ODR4: variants seen among roughly 807,000 people sequenced by gnomAD.
The protein encoded by ODR4 is protein odr-4 homolog.
A neutral mutation model predicts 60.2 loss-of-function variants in ODR4; 47 were observed. That is an observed-to-expected ratio of 0.78 (90% CI 0.62 to 1.00). The LOEUF is 1.00. Among genes scored for constraint, ODR4 ranks in the 50% least tolerant of loss-of-function variants. ODR4 has a pLI of 0.00. For missense variants in ODR4, 488 were observed against 530.8 expected (o/e 0.92, Z 0.79); for synonymous variants, 178 against 175.5 (o/e 1.01, Z -0.11).
intron 9 of ODR4, 107 bp from the exon 10 acceptor site, chr1:186,398,205 CA>C (rs2102053511): frequency 1.0e-6 from 1 of 976,486 alleles, no homozygotes; most frequent in East Asian, 3.0e-5. Context: ...ATGCTTGGCT[CA>C]GTCAAAACTT....
At chr1:186,399,213 T>A (rs539242308) in intron 11 of ODR4, 169 bp downstream of exon 11, 2 of 635,534 alleles carry the variant, frequency 3.1e-6, no homozygotes, top group East Asian at 3.2e-5. Flanking sequence ...CAGATTTTTT[T>A]TTTTTTTTTT....
chr1:186,433,147 T>C, the ODR4 span, among the ~76,000 whole-genome samples: 1 of 152,176 alleles, frequency 6.6e-6, no homozygotes, highest in Non-Finnish European at 1.5e-5. Context: ...ATAAAATTTA[T>C]ATTAATTTAT....
downstream of ODR4, among the ~76,000 whole-genome samples, chr1:186,426,226 A>G (rs1426716623): frequency 6.6e-6 from 1 of 152,164 alleles, no homozygotes; most frequent in African/African-American, 2.4e-5. Flanking sequence ...ACCAGTTTCT[A>G]TTGCAGTTAT....
At position 186,375,993 on chromosome 1, in the gene ODR4, AGT is replaced by A. The variant is rs113247382; in HGVS notation, c.-20+47_-20+48del. The stretch of plus-strand genomic sequence containing the variant: ...AAAACAGGTAAGTCAGCCTAAGTGT[AGT>A]GTGTGTGTGTGTGTGTGTGTGTGTG... On this transcript the variant is annotated intron_variant, in intron 1 of 13. Transcript: ENST00000287859. 4.3e-3 allele frequency: 676 copies of A among 158,466 alleles called. 3 individuals are homozygous for A. The highest frequency in any genetic ancestry group is 8.3e-3 in the South Asian group (58 of 7,008). The allele number at this position is 158,466 out of a possible 1,614,324, so 9.8% of individuals were successfully genotyped here. A position where few individuals can be genotyped will look rare whatever the true frequency, so the allele number is the denominator to read the frequency against.
chr1:186,406,826 A>G (rs1317828912), intron 12 of ODR4, among the ~76,000 whole-genome samples: 1 of 151,884 alleles, frequency 6.6e-6, no homozygotes, highest in Admixed American at 6.6e-5. Context: ...CCTAGCCATC[A>G]CTTTCACATT....
chr1:186,387,359 C>T lies in ODR4; in HGVS notation c.331-1083C>T, dbSNP rs916088915. 5.3e-5 allele frequency among the ~76,000 whole-genome samples: 8 copies of T among 152,094 alleles called. No homozygotes were observed. In the South Asian group the frequency reaches 8.3e-4, roughly 16 times the overall value. ...TTTTGAAATTTAACCGAAATCTATG[C>T]GTATTTAATATTAATAGCATTCATT... On this transcript the variant is annotated intron_variant, in intron 4 of 13. Transcript: ENST00000287859.
the ODR4 span, among the ~76,000 whole-genome samples, chr1:186,429,184 G>A: frequency 9.3e-3 from 1,421 of 152,190 alleles, 20 homozygotes; most frequent in Non-Finnish European, 0.012. Flanking sequence ...CTGGGAGGCC[G>A]AGGCTGCAGT....
At chr1:186,410,637 A>G (rs1661343990) in intron 12 of ODR4, among the ~76,000 whole-genome samples, 1 of 152,224 alleles carries the variant, frequency 6.6e-6, no homozygotes, top group African/African-American at 2.4e-5. Context: ...GATTTGGTTA[A>G]TAATTTAATC....
chr1:186,400,655 T>C, intron 11 of ODR4: 1 of 188,310 alleles, frequency 5.3e-6, no homozygotes, highest in South Asian at 1.0e-4. Context: ...CCAACTTCTT[T>C]TAGTACTACT....
the ODR4 span, among the ~76,000 whole-genome samples, chr1:186,430,958 T>A: frequency 1.2e-4 from 18 of 151,962 alleles, no homozygotes; most frequent in African/African-American, 4.3e-4. Context: ...GGAAACATAC[T>A]GATGAAAGGG....
In ODR4 at chr1:186,383,026, C is replaced by G. The variant is rs996539979; in HGVS notation, c.104C>G (p.Ser35Trp). ...FVSGLLIGQC[S>W]SQKDYVILAT... ...CTTTTTAATTTGTTGTTGAAGTGTT[C>G]GTCACAAAAGGATTATGTGATTCTT... Residue 35 changes from serine (S) to tryptophan (W), a missense_variant, in exon 3 of 14, where the codon TCG becomes TGG. By Grantham distance (177) the Ser-to-Trp change is radical. Coordinates refer to ENST00000287859, the MANE Select transcript of ODR4 (RefSeq NM_017847.6). 1 of 1,582,772 alleles carries G rather than the reference C, an allele frequency of 6.3e-7. No homozygotes were observed.
chr1:186,395,452 C>T (rs948327049), intron 9 of ODR4, among the ~76,000 whole-genome samples: 2 of 152,088 alleles, frequency 1.3e-5, no homozygotes, highest in Non-Finnish European at 2.9e-5. Flanking sequence ...CACCGATCAC[C>T]TAACTGGAAA....
Position 186,419,829 on chromosome 1 carries a change from G to T in ODR4, c.*753G>T, listed in dbSNP as rs1278042953. ...TCTACCAAATGAGACAACAACTTTA[G>T]GATAAGTTCATCCTCTAGGAGCTTT... On this transcript the variant is annotated 3_prime_UTR_variant, in exon 14 of 14. Coordinates refer to ENST00000287859, the MANE Select transcript of ODR4 (RefSeq NM_017847.6). 1 of 152,138 alleles carries T rather than the reference G, an allele frequency of 6.6e-6. No individual in the cohort carries two copies. Among genetic ancestry groups the T allele is most frequent in the South Asian group, 2.1e-4 (1 of 4,828 alleles). The allele number at this position is 152,138 out of a possible 1,614,324, so 9.4% of individuals were successfully genotyped here.
At chr1:186,393,035 T>C (rs1660528972) in intron 8 of ODR4, among the ~76,000 whole-genome samples, 1 of 151,826 alleles carries the variant, frequency 6.6e-6, no homozygotes, top group African/African-American at 2.4e-5. Flanking sequence ...AGAAGAAAAC[T>C]AACAGAGGAA....
At position 186,419,578 on chromosome 1, in the gene ODR4, T is replaced by G; in HGVS notation, c.*502T>G. On this transcript the variant is annotated 3_prime_UTR_variant, in exon 14 of 14. Transcript: ENST00000287859. ...AAAAAAAAAAATTAGCTGGACATGG[T>G]GGCAATCAGCTCTAGTCCCAACTAC... The G allele has an allele frequency of 1.3e-5, 2 of 155,358 alleles. No individual in the cohort carries two copies. The allele number at this position is 155,358 out of a possible 1,614,324, so 9.6% of individuals were successfully genotyped here.
chr1:186,388,277 T>G (rs1660326253), intron 4 of ODR4, among the ~76,000 whole-genome samples, 165 bp from the exon 5 acceptor site: 1 of 152,188 alleles, frequency 6.6e-6, no homozygotes, highest in South Asian at 2.1e-4. Context: ...AGCCCAGGTG[T>G]TCAAGGCCAG....
At chr1:186,408,026 A>T (rs1047286175) in intron 12 of ODR4, among the ~76,000 whole-genome samples, 1 of 152,170 alleles carries the variant, frequency 6.6e-6, no homozygotes, top group Non-Finnish European at 1.5e-5. Context: ...CTAATGCTCT[A>T]AAAATAATAT....
Position 186,390,819 on chromosome 1 carries a change from T to G in ODR4, c.583T>G (p.Ser195Ala). The change falls in exon 7 of 14, where the codon TCT (serine) becomes GCT (alanine). Residue 195 changes from serine to alanine, a missense_variant. By Grantham distance (99) the Ser-to-Ala change is moderately conservative (BLOSUM62 1). Transcript: ENST00000287859. ...TATTCACATCCCACTTTCTGCTACT[T>G]CTGTCAGCTATACTCTGGAGAAAAA... Reference protein sequence around the residue: ...INIHIPLSATSVSYTLEKNTK... With the variant: ...INIHIPLSATAVSYTLEKNTK... 1 of 1,613,204 alleles carries G rather than the reference T, an allele frequency of 6.2e-7. No homozygotes were observed. Among genetic ancestry groups the G allele is most frequent in the Non-Finnish European group, 8.5e-7 (1 of 1,179,420 alleles).
chr1:186,399,000 T>C lies in ODR4; in HGVS notation c.956T>C (p.Met319Thr). ...AACACAGTTGCTGATCGTTGTGAAA[T>C]GCTATTTGAGGATCTGCTTTTGAAT... The part of the protein sequence containing the change: ...ILNTVADRCE[M>T]LFEDLLLNEI... Residue 319 changes from methionine to threonine, a missense_variant, in exon 11 of 14, where the codon ATG (methionine) becomes ACG (threonine). Met to Thr is a moderately conservative substitution (Grantham distance 81, BLOSUM62 -1). Coordinates refer to ENST00000287859, the MANE Select transcript of ODR4 (RefSeq NM_017847.6). 1 of 1,613,188 alleles carries C rather than the reference T, an allele frequency of 6.2e-7. No individual in the cohort carries two copies.
Sources: gnomAD v4.1 joint callset for allele counts (sites outside exome capture counted in the v4.1 genomes callset) on GRCh38, gnomAD v4.1.1 for gene constraint, MANE v1.5 for transcripts, NCBI Gene and HGNC (gene_info 2026-07-23, HGNC 2026-07-21) for gene names.